IRX4: variants seen among roughly 807,000 people sequenced by gnomAD.
The protein encoded by IRX4 is iroquois-class homeodomain protein IRX-4.
Under a neutral mutation model 32.0 loss-of-function variants are expected in IRX4, and 22 were observed. The observed-to-expected ratio is 0.69, with a 90% CI of 0.49 to 0.98. IRX4 has a LOEUF of 0.98. Among genes scored for constraint, IRX4 ranks in the 50% least tolerant of loss-of-function variants. IRX4 has a pLI of 0.00. For synonymous variants in IRX4, 379 were observed against 351.7 expected (o/e 1.08, Z -0.87); for missense variants, 840 against 744.2 (o/e 1.13, Z -1.50).
At position 1,878,724 on chromosome 5, in the gene IRX4, C is replaced by G. The variant is rs372495725; in HGVS notation, c.805G>C (p.Glu269Gln). The change falls in exon 5 of 5, where the codon GAG (glutamate) becomes CAG (glutamine). Residue 269 changes from glutamate (E) to glutamine (Q), a missense_variant. This residue lies in a region of IRX4 where 585 missense variants were observed against 488.0 expected (regional missense o/e 1.20). Transcript: ENST00000231357. ...GGCTTCAGCTCGCACGCCGGCGGCT[C>G]TGCTTCCAGCGGGTCGAAGTCGTCC... ...DLDDFDPLEAEPPACELKPPF... is the reference protein window; with the variant it reads ...DLDDFDPLEAQPPACELKPPF... 2.2e-5 allele frequency: 36 copies of G among 1,612,750 alleles called. No individual in the cohort carries two copies. The highest frequency in any genetic ancestry group is 2.7e-5 in the Non-Finnish European group (32 of 1,179,976).
Position 1,880,847 on chromosome 5 carries a change from A to G in IRX4, c.298-13T>C. ...AATCAAAGCTGTTCTGTGGGAGCCA[A>G]GAGTCTGGGGTCGCAGTTTCCAGGG... On this transcript the variant is annotated splice_polypyrimidine_tract_variant and intron_variant, in intron 2 of 4. Transcript: ENST00000231357. The G allele has an allele frequency of 6.2e-7, 1 of 1,608,312 alleles. No homozygotes were observed. The highest frequency in any genetic ancestry group is 1.1e-5 in the South Asian group (1 of 90,980).
At chr5:1,879,084 A>C (rs920672927) in intron 4 of IRX4, among the ~76,000 whole-genome samples, 1,754 of 150,306 alleles carry the variant, frequency 0.012, 31 homozygotes, top group African/African-American at 0.041. Context: ...CTCCGCCTCC[A>C]GGGTTCAGGG....
chr5:1,886,533 C>T (rs1735636485), upstream of IRX4, among the ~76,000 whole-genome samples: 1 of 152,196 alleles, frequency 6.6e-6, no homozygotes, highest in South Asian at 2.1e-4. Flanking sequence ...GGAGAAGGAG[C>T]CACAGGGACA....
chr5:1,878,960 A>G (rs1333266090), intron 4 of IRX4, among the ~76,000 whole-genome samples, 168 bp from the exon 5 acceptor site: 1 of 151,776 alleles, frequency 6.6e-6, no homozygotes, highest in Non-Finnish European at 1.5e-5. Context: ...CAAACTGGCA[A>G]CACAGGGGCC....
Position 1,877,740 on chromosome 5 carries a change from T to C in IRX4, c.*229A>G. 2 of 527,258 alleles carry C rather than the reference T, an allele frequency of 3.8e-6. No homozygotes were observed. The highest frequency in any genetic ancestry group is 6.6e-6 in the Non-Finnish European group (2 of 303,286). The allele number at this position is 527,258 out of a possible 1,614,324, so 32.7% of individuals were successfully genotyped here. On this transcript the variant is annotated 3_prime_UTR_variant, in exon 5 of 5. Coordinates refer to ENST00000231357, the MANE Select transcript of IRX4 (RefSeq NM_016358.3). The stretch of plus-strand genomic sequence containing the variant: ...TGCTCCGAGAGCCTCTCCTTCCGCG[T>C]CCCAAATTTGGGAATGGCCCGGTCA...
chr5:1,878,858 C>G (rs867072253), intron 4 of IRX4, 66 bp from the exon 5 acceptor site: 3 of 1,530,962 alleles, frequency 2.0e-6, no homozygotes, highest in Admixed American at 3.3e-5. Context: ...CCCCTGTCCC[C>G]GTCCACCATT....
upstream of IRX4, chr5:1,886,986 G>A (rs1735652971): frequency 6.6e-6 from 1 of 151,162 alleles, no homozygotes; most frequent in Non-Finnish European, 1.5e-5. Flanking sequence ...CGGCCGCGCG[G>A]AGCCTCCGCC....
chr5:1,878,114 C>T lies in IRX4; in HGVS notation c.1415G>A (p.Arg472His). The T allele has an allele frequency of 6.5e-7, 1 of 1,540,788 alleles. No homozygotes were observed. The stretch of plus-strand genomic sequence containing the variant: ...CACGTTCGCGCCCGCCCCCAGCGAG[C>T]GTCCCAGAGGCCCGGGGTCCAGGAG... ...GALLDPGPLG[R>H]SLGAGANVLT... Residue 472 changes from arginine to histidine, a missense_variant, in exon 5 of 5, where the codon CGC becomes CAC. Transcript: ENST00000231357.
rs376553058 is a variant in IRX4, at chr5:1,879,806, C to A, written c.434G>T (p.Arg145Leu). Residue 145 changes from arginine to leucine, a missense_variant, in exon 4 of 5, where the codon CGG becomes CTG. By Grantham distance (102) the Arg-to-Leu change is moderately radical. Transcript: ENST00000231357. ...DRYGTMDSGT[R>L]RKNATRETTS... The stretch of plus-strand genomic sequence containing the variant: ...GGTCTCGCGCGTGGCGTTCTTGCGC[C>A]GCGTGCCGCTGTCCATGGTTCCATA... The A allele has an allele frequency of 6.2e-7, 1 of 1,614,020 alleles. No individual in the cohort carries two copies. Among genetic ancestry groups the A allele is most frequent in the South Asian group, 1.1e-5 (1 of 91,076 alleles).
chr5:1,877,834 A>G lies in IRX4; in HGVS notation c.*135T>C, dbSNP rs977176173. 1 of 817,022 alleles carries G rather than the reference A, an allele frequency of 1.2e-6. No homozygotes were observed. The highest frequency in any genetic ancestry group is 1.8e-6 in the Non-Finnish European group (1 of 542,186). The allele number at this position is 817,022 out of a possible 1,614,324, so 50.6% of individuals were successfully genotyped here. A position where few individuals can be genotyped will look rare whatever the true frequency, so the allele number is the denominator to read the frequency against. On this transcript the variant is annotated 3_prime_UTR_variant, in exon 5 of 5. Coordinates refer to ENST00000231357, the MANE Select transcript of IRX4 (RefSeq NM_016358.3). ...GCTTGTCCATGTTCCCAGGAGTCCA[A>G]GTTCAGAAGCCCCCTCTCCGGTGGG...
chr5:1,883,961 T>G (rs1429795170), upstream of IRX4: 2 of 152,244 alleles, frequency 1.3e-5, no homozygotes, highest in East Asian at 1.9e-4. Context: ...CGCCCTCCCC[T>G]GTCCATTTTG....
chr5:1,885,790 A>G (rs997111898), upstream of IRX4, among the ~76,000 whole-genome samples: 1 of 152,266 alleles, frequency 6.6e-6, no homozygotes, highest in African/African-American at 2.4e-5. Context: ...TGCCTTCACC[A>G]AAAGGCCAAG....
intron 4 of IRX4, among the ~76,000 whole-genome samples, chr5:1,879,282 C>T (rs1310220977): frequency 6.6e-6 from 1 of 152,334 alleles, no homozygotes; most frequent in Admixed American, 6.5e-5. Context: ...TGAGCCACCG[C>T]GCCCGGCCTA....
chr5:1,882,546 G>T, intron 1 of IRX4, 57 bp downstream of exon 1: 3 of 1,370,872 alleles, frequency 2.2e-6, no homozygotes, highest in Non-Finnish European at 3.0e-6. Context: ...CCCCGTCCCC[G>T]CCCCATCCGC....
chr5:1,880,896 T>A lies in IRX4; in HGVS notation c.298-62A>T. The A allele has an allele frequency of 2.4e-6, 3 of 1,249,262 alleles. No homozygotes were observed. In the Admixed American group the frequency reaches 5.0e-5, roughly 21 times the overall value. 77.4% of individuals were successfully genotyped at this position (1,249,262 alleles called of 1,614,324 possible). On this transcript the variant is annotated intron_variant, in intron 2 of 4. Coordinates refer to ENST00000231357, the MANE Select transcript of IRX4 (RefSeq NM_016358.3). ...GGAGGCAACCCCACTCCAGCCTCTC[T>A]CCTAGGAGCCCCCCACTCCCAAAGG...
intron 3 of IRX4, chr5:1,880,136 G>A (rs1263795383): frequency 2.8e-5 from 43 of 1,535,370 alleles, no homozygotes; most frequent in South Asian, 4.8e-5. Context: ...CCGCCTAGCC[G>A]TTTGATCCTC....
In IRX4 at chr5:1,879,986, G is replaced by A. The variant is rs573146588; in HGVS notation, c.408-154C>T. The stretch of plus-strand genomic sequence containing the variant: ...TGGTCATAAGGCCCAGGTAGGACCC[G>A]AGCCCCAACCAGGTGCCGCTGCCTG... On this transcript the variant is annotated intron_variant, in intron 3 of 4. Transcript: ENST00000231357. 3 of 1,494,500 alleles carry A rather than the reference G, an allele frequency of 2.0e-6. No homozygotes were observed. In the African/African-American group the frequency reaches 4.2e-5, roughly 21 times the overall value. The allele number at this position is 1,494,500 out of a possible 1,614,324, so 92.6% of individuals were successfully genotyped here. A position where few individuals can be genotyped will look rare whatever the true frequency, so the allele number is the denominator to read the frequency against.
Position 1,882,274 on chromosome 5 carries a change from G to A in IRX4, c.46-215C>T, listed in dbSNP as rs960921184. 2.6e-5 allele frequency among the ~76,000 whole-genome samples: 4 copies of A among 152,194 alleles called. 1 individual carries two copies. Among genetic ancestry groups the A allele is most frequent in the Admixed American group, 6.5e-5 (1 of 15,292 alleles). ...AGCCGAGCACCTACACCCTTCCCCG[G>A]AGGGTTTCCAAGGCCTCTGACGCCA... On this transcript the variant is annotated intron_variant, in intron 1 of 4. Transcript: ENST00000231357.
At chr5:1,883,340 C>A (rs548900128), upstream of IRX4, among the ~76,000 whole-genome samples, 342 of 152,388 alleles carry the variant, frequency 2.2e-3, 3 homozygotes, top group Middle Eastern at 3.4e-3. Context: ...CCCGGCGCTG[C>A]GCAGGCGGCC....
Sources: allele counts gnomAD v4.1 joint callset (sites outside exome capture counted in the v4.1 genomes callset), GRCh38; gene constraint gnomAD v4.1.1; regional missense constraint gnomAD v4.1.1; transcripts MANE v1.5; gene names NCBI Gene and HGNC (gene_info 2026-07-23, HGNC 2026-07-21).